The following FSTL4 variants were observed in gnomAD, a reference collection of about 807,000 sequenced individuals.
FSTL4 encodes follistatin like 4.
A neutral mutation model predicts 78.2 loss-of-function variants in FSTL4; 28 were observed. The observed-to-expected ratio is 0.36, with a 90% CI of 0.27 to 0.49. The LOEUF (loss-of-function observed/expected upper bound fraction) is 0.49. Among genes scored for constraint, FSTL4 ranks in the 20% least tolerant of loss-of-function variants. The pLI is 0.98. For missense variants in FSTL4, 922 were observed against 1,084.9 expected (o/e 0.85, Z 2.11); for synonymous variants, 422 against 440.5 (o/e 0.96, Z 0.53).
chr5:133,745,059 G>T, the FSTL4 span, among the ~76,000 whole-genome samples: 1 of 152,208 alleles, frequency 6.6e-6, no homozygotes, highest in African/African-American at 2.4e-5. Flanking sequence ...TCCCGTCTGT[G>T]CCAGGAAGAT....
At chr5:133,735,372 G>C in the FSTL4 span, among the ~76,000 whole-genome samples, 463 of 152,232 alleles carry the variant, frequency 3.0e-3, 2 homozygotes, top group Non-Finnish European at 4.3e-3. Context: ...GCTGAGGCAG[G>C]AAAATCACTT....
chr5:133,513,909 T>G (rs1372472923), intron 3 of FSTL4, among the ~76,000 whole-genome samples: 1 of 152,140 alleles, frequency 6.6e-6, no homozygotes, highest in Non-Finnish European at 1.5e-5. Flanking sequence ...CCGGGCGCGG[T>G]GGCTCATGCC....
At chr5:133,552,765 TG>T (rs1326389300) in intron 3 of FSTL4, among the ~76,000 whole-genome samples, 3 of 152,142 alleles carry the variant, frequency 2.0e-5, no homozygotes, top group African/African-American at 7.2e-5. Flanking sequence ...CAGACAGGCT[TG>T]GTGAGTTTCC....
the FSTL4 span, among the ~76,000 whole-genome samples, chr5:133,639,764 G>A: frequency 6.6e-6 from 1 of 152,168 alleles, no homozygotes; most frequent in African/African-American, 2.4e-5. Flanking sequence ...TAACAAGTGG[G>A]ACAAGCAAGC....
chr5:133,394,482 G>C (rs1198997359), intron 4 of FSTL4, among the ~76,000 whole-genome samples: 1 of 152,258 alleles, frequency 6.6e-6, no homozygotes, highest in Non-Finnish European at 1.5e-5. Context: ...CGGACAGCGA[G>C]GGGCTTAGCA....
chr5:133,509,420 G>C (rs1365015453), intron 3 of FSTL4, among the ~76,000 whole-genome samples: 1 of 152,090 alleles, frequency 6.6e-6, no homozygotes, highest in African/African-American at 2.4e-5. Context: ...TTCTTTATCA[G>C]AGAGGAGCCT....
intron 7 of FSTL4, among the ~76,000 whole-genome samples, chr5:133,240,928 G>C (rs1390392148): frequency 6.6e-6 from 1 of 152,166 alleles, no homozygotes; most frequent in African/African-American, 2.4e-5. Context: ...TGCCTCATAG[G>C]GGTCTCTTTA....
chr5:133,610,739 C>A (rs1246209567), intron 1 of FSTL4, among the ~76,000 whole-genome samples: 1 of 152,218 alleles, frequency 6.6e-6, no homozygotes, highest in East Asian at 1.9e-4. Context: ...GAAACTGGCG[C>A]CTGGCTCCCA....
At chr5:133,745,233 G>T in the FSTL4 span, among the ~76,000 whole-genome samples, 1 of 152,194 alleles carries the variant, frequency 6.6e-6, no homozygotes, top group Non-Finnish European at 1.5e-5. Flanking sequence ...ATACGCCAAG[G>T]GCCTTCTATG....
rs201346010 is a variant in FSTL4, at chr5:133,244,441, GAC to G, written c.894+4967_894+4968del. 9.2e-5 allele frequency: 14 copies of G among 152,416 alleles called. No homozygotes were observed. The East Asian group carries it at 2.7e-3, about 30-fold the overall frequency. 9.4% of individuals were successfully genotyped at this position (152,416 alleles called of 1,614,324 possible). Reference sequence around the variant, plus strand: ...CAGGGCCAGGTCAGAAGCACATCCAGACACACAGCTGCTTCAGTAACGAAACC... The same window carrying G: ...CAGGGCCAGGTCAGAAGCACATCCAGACACAGCTGCTTCAGTAACGAAACC... On this transcript the variant is annotated intron_variant, in intron 7 of 15. Transcript: ENST00000265342.
At chr5:133,812,365 T>A in the FSTL4 span, among the ~76,000 whole-genome samples, 1 of 152,174 alleles carries the variant, frequency 6.6e-6, no homozygotes, top group Non-Finnish European at 1.5e-5. Context: ...TCGGAACCCC[T>A]TACCATGGCT....
the FSTL4 span, among the ~76,000 whole-genome samples, chr5:133,839,568 C>T: frequency 6.6e-6 from 1 of 152,156 alleles, no homozygotes; most frequent in Admixed American, 6.5e-5. Context: ...CAGAAATTAA[C>T]ACCCCATGAA....
At chr5:133,393,087 T>C (rs1185730492) in intron 4 of FSTL4, among the ~76,000 whole-genome samples, 2 of 152,168 alleles carry the variant, frequency 1.3e-5, no homozygotes, top group Admixed American at 6.5e-5. Flanking sequence ...TGGAAGCAGA[T>C]ACTGTAAATG....
intron 11 of FSTL4, 23 bp downstream of exon 11, chr5:133,224,167 C>T (rs367661260): frequency 1.9e-5 from 31 of 1,604,454 alleles, no homozygotes; most frequent in African/African-American, 5.3e-5. Flanking sequence ...ACAGGCATGA[C>T]GCAAAACAAT....
the FSTL4 span, among the ~76,000 whole-genome samples, chr5:133,684,988 A>G: frequency 6.6e-6 from 1 of 152,246 alleles, no homozygotes; most frequent in African/African-American, 2.4e-5. Flanking sequence ...GTCTACACCC[A>G]GAGGACCTGC....
intron 3 of FSTL4, among the ~76,000 whole-genome samples, chr5:133,421,312 G>A (rs912642357): frequency 1.1e-4 from 17 of 152,252 alleles, no homozygotes; most frequent in African/African-American, 4.1e-4. Context: ...GTTGGATGTT[G>A]TCTGTCTGTA....
At chr5:133,272,736 G>A (rs1752794724) in intron 6 of FSTL4, among the ~76,000 whole-genome samples, 1 of 152,234 alleles carries the variant, frequency 6.6e-6, no homozygotes, top group African/African-American at 2.4e-5. Context: ...AAATGAGTGC[G>A]CTGCATTAGC....
intron 4 of FSTL4, among the ~76,000 whole-genome samples, chr5:133,367,341 T>G (rs1242842220): frequency 2.0e-5 from 3 of 152,236 alleles, no homozygotes; most frequent in African/African-American, 7.2e-5. Flanking sequence ...TGAGGTTGGA[T>G]GTGTTGTCTC....
Position 133,442,348 on chromosome 5 carries a change from T to C in FSTL4, c.161-41362A>G, listed in dbSNP as rs1757177619. On this transcript the variant is annotated intron_variant, in intron 3 of 15. Coordinates refer to ENST00000265342, the MANE Select transcript of FSTL4 (RefSeq NM_015082.2). ...CCCAATAACTTCTCTTTGTTGCTAA[T>C]TGTATAGTTGTGGTATCTGGCCATT... 3.9e-5 allele frequency among the ~76,000 whole-genome samples: 6 copies of C among 152,192 alleles called. No homozygotes were observed. The South Asian group carries it at 1.2e-3, about 32-fold the overall frequency.
Sources: allele counts gnomAD v4.1 joint callset (sites outside exome capture counted in the v4.1 genomes callset), GRCh38; gene constraint gnomAD v4.1.1; transcripts MANE v1.5; gene names NCBI Gene and HGNC (gene_info 2026-07-23, HGNC 2026-07-21).